PEX7: variants seen among roughly 807,000 people sequenced by gnomAD.
The protein encoded by PEX7 is PTS2 receptor.
Under a neutral mutation model 47.5 loss-of-function variants are expected in PEX7, and 34 were observed. The observed-to-expected ratio is 0.72, with a 90% CI of 0.54 to 0.95. The LOEUF (loss-of-function observed/expected upper bound fraction) is 0.95. Ranked by LOEUF, PEX7 falls within the 40% of genes least tolerant of loss-of-function variation. PEX7 has a pLI of 0.00. For synonymous variants in PEX7, 141 were observed against 148.8 expected (o/e 0.95, Z 0.38); for missense variants, 394 against 400.3 (o/e 0.98, Z 0.13).
intron 5 of PEX7, among the ~76,000 whole-genome samples, chr6:136,859,866 C>G (rs1403054462): frequency 6.6e-6 from 1 of 151,806 alleles, no homozygotes; most frequent in Non-Finnish European, 1.5e-5. Flanking sequence ...CTACTAAAAA[C>G]TCAAAAAAAT....
At chr6:136,856,947 G>A (rs1211876533) in intron 5 of PEX7, among the ~76,000 whole-genome samples, 9 of 151,938 alleles carry the variant, frequency 5.9e-5, no homozygotes, top group African/African-American at 9.7e-5. Context: ...TATGACTTAG[G>A]GAACTCATTG....
At chr6:136,849,871 G>T (rs913172868) in intron 5 of PEX7, among the ~76,000 whole-genome samples, 1 of 152,182 alleles carries the variant, frequency 6.6e-6, no homozygotes, top group South Asian at 2.1e-4. Context: ...TGTTAGGTCT[G>T]CTTGGTGCAG....
At chr6:136,857,648 C>A (rs983145912) in intron 5 of PEX7, among the ~76,000 whole-genome samples, 1 of 150,906 alleles carries the variant, frequency 6.6e-6, no homozygotes, top group Non-Finnish European at 1.5e-5. Flanking sequence ...TACTTTCCTG[C>A]TGTTAGGAGA....
chr6:136,871,377 A>G (rs1012273770), intron 7 of PEX7, among the ~76,000 whole-genome samples: 2 of 152,204 alleles, frequency 1.3e-5, no homozygotes, highest in African/African-American at 2.4e-5. Flanking sequence ...ATTAGCTGTA[A>G]TATACAAATA....
At chr6:136,855,779 A>G (rs1199004834) in intron 5 of PEX7, 3 of 374,532 alleles carry the variant, frequency 8.0e-6, no homozygotes, top group African/African-American at 4.2e-5. Flanking sequence ...CGTTTGCCCC[A>G]CTGGAATGAC....
intron 8 of PEX7, among the ~76,000 whole-genome samples, chr6:136,882,769 A>T (rs9483964): frequency 4.0e-5 from 6 of 151,062 alleles, no homozygotes; most frequent in African/African-American, 1.5e-4. Flanking sequence ...TTAGTCTCCA[A>T]CTCTTTAGTG....
intron 8 of PEX7, among the ~76,000 whole-genome samples, chr6:136,894,482 C>T (rs1259163182): frequency 2.6e-5 from 4 of 152,072 alleles, no homozygotes; most frequent in Admixed American, 2.6e-4. Flanking sequence ...TCCAGCTACT[C>T]AGGAGGCTGA....
chr6:136,858,504 G>C (rs944431854), intron 5 of PEX7, among the ~76,000 whole-genome samples: 1 of 152,154 alleles, frequency 6.6e-6, no homozygotes, highest in Non-Finnish European at 1.5e-5. Context: ...CATTGGGAGA[G>C]CATTAAAAAA....
intron 4 of PEX7, 21 bp from the exon 5 acceptor site, chr6:136,846,048 AATTG>A: frequency 7.2e-7 from 1 of 1,389,830 alleles, no homozygotes. Context: ...TCCCTCAAGT[AATTG>A]ATCTATTCAT....
At chr6:136,859,226 A>G (rs1774915689) in intron 5 of PEX7, among the ~76,000 whole-genome samples, 2 of 152,218 alleles carry the variant, frequency 1.3e-5, no homozygotes, top group African/African-American at 4.8e-5. Context: ...GGAAGTTTTT[A>G]GAGAACTACC....
intron 1 of PEX7, among the ~76,000 whole-genome samples, chr6:136,824,703 A>G (rs1774156159): frequency 6.6e-6 from 1 of 152,216 alleles, no homozygotes; most frequent in Non-Finnish European, 1.5e-5. Context: ...GCACTTTATT[A>G]CCACCAGTTA....
intron 3 of PEX7, among the ~76,000 whole-genome samples, chr6:136,840,001 G>A (rs900944729): frequency 6.6e-6 from 1 of 152,106 alleles, no homozygotes; most frequent in Admixed American, 6.5e-5. Flanking sequence ...GGGGAAGTTG[G>A]AATGAATTAT....
intron 8 of PEX7, among the ~76,000 whole-genome samples, chr6:136,877,848 A>G (rs780561105): frequency 5.9e-5 from 9 of 152,124 alleles, no homozygotes; most frequent in African/African-American, 1.7e-4. Flanking sequence ...AAGAAAGTCA[A>G]TGGTAGCTTG....
intron 5 of PEX7, among the ~76,000 whole-genome samples, chr6:136,849,566 T>G (rs1246186913): frequency 6.6e-6 from 1 of 152,198 alleles, no homozygotes; most frequent in African/African-American, 2.4e-5. Context: ...TTGTTCTCAT[T>G]GGTTTCAAAG....
intron 8 of PEX7, among the ~76,000 whole-genome samples, chr6:136,879,704 C>A (rs1176812874): frequency 6.6e-6 from 1 of 151,910 alleles, no homozygotes; most frequent in South Asian, 2.1e-4. Context: ...AATAGTTCTA[C>A]TTAATTGTTT....
intron 9 of PEX7, among the ~76,000 whole-genome samples, chr6:136,898,819 T>A (rs2050712): frequency 0.48 from 72,396 of 151,608 alleles, 17,536 homozygotes; most frequent in South Asian, 0.57. Context: ...TTTTTTTTTT[T>A]AAAAAAGCCT....
intron 9 of PEX7, among the ~76,000 whole-genome samples, chr6:136,902,244 A>G (rs1401121268): frequency 6.6e-6 from 1 of 151,658 alleles, no homozygotes; most frequent in South Asian, 2.1e-4. Context: ...TCATATACCT[A>G]TTGTCTTTTG....
intron 1 of PEX7, chr6:136,823,142 TC>T: frequency 1.0e-6 from 1 of 985,370 alleles, no homozygotes; most frequent in Non-Finnish European, 1.2e-6. Flanking sequence ...GTCCCTTGGA[TC>T]GGTCCGCTCG....
chr6:136,835,624 T>G (rs1774371881), intron 3 of PEX7, among the ~76,000 whole-genome samples: 2 of 152,258 alleles, frequency 1.3e-5, no homozygotes, highest in South Asian at 4.1e-4. Flanking sequence ...GGTCACAGTG[T>G]CTGGGGCTGG....
Sources: gnomAD v4.1 joint callset for allele counts (sites outside exome capture counted in the v4.1 genomes callset) on GRCh38, gnomAD v4.1.1 for gene constraint, MANE v1.5 for transcripts, NCBI Gene and HGNC (gene_info 2026-07-23, HGNC 2026-07-21) for gene names.